The following ARAP1 variants were observed in gnomAD, a reference collection of about 807,000 sequenced individuals.
ARAP1 encodes ArfGAP with RhoGAP domain, ankyrin repeat and PH domain 1.
ARAP1 carries 76 observed loss-of-function variants against 172.2 expected under a neutral mutation model. The ratio of observed to expected loss-of-function variants is 0.44; its 90% CI spans 0.37 to 0.53. The LOEUF is 0.53. Ranked by LOEUF, ARAP1 falls within the 20% of genes least tolerant of loss-of-function variation. The pLI, the probability that ARAP1 is intolerant of heterozygous loss-of-function variation, is 0.00. For synonymous variants in ARAP1, 804 were observed against 803.3 expected (o/e 1.00, Z -0.01); for missense variants, 1,686 against 1,977.5 (o/e 0.85, Z 2.80).
At chr11:72,685,925 G>T in intron 34 of ARAP1, 117 bp downstream of exon 34, 1 of 1,573,104 alleles carries the variant, frequency 6.4e-7, no homozygotes. Context: ...AGGCTGGAGG[G>T]AGGGGGCCGG....
chr11:72,686,681 G>A (rs944854393), intron 33 of ARAP1, among the ~76,000 whole-genome samples: 1 of 152,130 alleles, frequency 6.6e-6, no homozygotes, highest in African/African-American at 2.4e-5. Flanking sequence ...CTCTGGCCCT[G>A]CTCTGGCTCA....
At chr11:72,722,321 C>T in intron 3 of ARAP1, 1 of 985,388 alleles carries the variant, frequency 1.0e-6, no homozygotes, top group South Asian at 4.7e-5. Context: ...CCGTGGCCAA[C>T]ACACACACTT....
At chr11:72,727,469 C>T (rs1217122876) in intron 2 of ARAP1, among the ~76,000 whole-genome samples, 1 of 152,238 alleles carries the variant, frequency 6.6e-6, no homozygotes, top group Non-Finnish European at 1.5e-5. Context: ...CACCCCAACA[C>T]ACAGCCTTGG....
At chr11:72,686,945 C>A (rs1226261766) in intron 33 of ARAP1, among the ~76,000 whole-genome samples, 1 of 152,246 alleles carries the variant, frequency 6.6e-6, no homozygotes, top group Non-Finnish European at 1.5e-5. Flanking sequence ...CTTCTCACTC[C>A]CTTTCCTGTG....
chr11:72,722,015 G>A (rs533623394), intron 3 of ARAP1: 11 of 985,826 alleles, frequency 1.1e-5, no homozygotes, highest in African/African-American at 5.2e-5. Context: ...CTGAGGCTGC[G>A]TTCTCTTGGA....
intron 5 of ARAP1, 100 bp downstream of exon 5, chr11:72,713,076 A>G: frequency 7.8e-7 from 1 of 1,273,958 alleles, no homozygotes; most frequent in Non-Finnish European, 1.1e-6. Context: ...CTCCCGGGAA[A>G]TGGCTGCCCA....
intron 16 of ARAP1, among the ~76,000 whole-genome samples, chr11:72,700,937 G>A (rs1705736429): frequency 1.3e-5 from 2 of 152,348 alleles, no homozygotes; most frequent in East Asian, 1.9e-4. Flanking sequence ...GGCAGAGGTT[G>A]CGGTGAGCCA....
At chr11:72,746,720 T>C (rs1858379319) in intron 1 of ARAP1, among the ~76,000 whole-genome samples, 1 of 138,648 alleles carries the variant, frequency 7.2e-6, no homozygotes. Flanking sequence ...TGTCCTGACC[T>C]GTTCACAACT....
Position 72,712,157 on chromosome 11 carries a change from C to T in ARAP1, c.1022+39G>A, listed in dbSNP as rs748511608. On this transcript the variant is annotated intron_variant, in intron 7 of 34. Transcript: ENST00000393609. ...GTCCTGGACACTGCCCCCCACCCCC[C>T]CATGCAGAGCACAGCAGGACCCAAG... is the stretch of plus-strand genomic sequence containing the variant. 5 of 1,530,218 alleles carry T rather than the reference C, an allele frequency of 3.3e-6. No homozygotes were observed. In the South Asian group the frequency reaches 6.2e-5, roughly 19 times the overall value. 94.8% of individuals were successfully genotyped at this position (1,530,218 alleles called of 1,614,324 possible). A position where few individuals can be genotyped will look rare whatever the true frequency, so the allele number is the denominator to read the frequency against.
intron 33 of ARAP1, among the ~76,000 whole-genome samples, chr11:72,686,661 C>T (rs1855700205): frequency 6.6e-6 from 1 of 152,194 alleles, no homozygotes; most frequent in African/African-American, 2.4e-5. Flanking sequence ...TGTTTTAAGT[C>T]TAACCCAGCC....
intron 14 of ARAP1, 154 bp from the exon 15 acceptor site, chr11:72,703,233 G>A (rs969215121): frequency 2.5e-6 from 2 of 811,398 alleles, no homozygotes; most frequent in Non-Finnish European, 3.7e-6. Context: ...GGAAGAAAGA[G>A]AGAAGGAGAG....
chr11:72,711,324 T>C, intron 8 of ARAP1, 106 bp downstream of exon 8: 4 of 1,494,752 alleles, frequency 2.7e-6, no homozygotes, highest in Non-Finnish European at 2.8e-6. Flanking sequence ...GGGTCAGACT[T>C]AGAACTCTGG....
At chr11:72,697,866 G>C in intron 19 of ARAP1, 45 bp downstream of exon 19, 1 of 1,520,120 alleles carries the variant, frequency 6.6e-7, no homozygotes, top group South Asian at 1.3e-5. Flanking sequence ...GGGAGCCCAG[G>C]ATAGGGTGCC....
chr11:72,730,526 G>A (rs548351287), intron 2 of ARAP1, among the ~76,000 whole-genome samples: 14 of 152,234 alleles, frequency 9.2e-5, no homozygotes, highest in Middle Eastern at 3.4e-3. Flanking sequence ...GTAAAATCCC[G>A]TCTCTACTAA....
chr11:72,701,880 G>A (rs1425341948), intron 15 of ARAP1, 97 bp from the exon 16 acceptor site: 12 of 1,478,922 alleles, frequency 8.1e-6, no homozygotes, highest in South Asian at 3.8e-5. Context: ...GCTCACTTTC[G>A]AATCATCAGC....
At chr11:72,727,274 G>A (rs1309517314) in intron 2 of ARAP1, 102 bp from the exon 3 acceptor site, 2 of 1,051,620 alleles carry the variant, frequency 1.9e-6, no homozygotes, top group African/African-American at 3.2e-5. Flanking sequence ...TTCAAGTTCT[G>A]TCCTGGAGCT....
chr11:72,710,320 C>T lies in ARAP1; in HGVS notation c.1416+65G>A. On this transcript the variant is annotated intron_variant, in intron 10 of 34. Transcript: ENST00000393609. The surrounding 1 kb of genome is among the most constrained non-coding windows in gnomAD (Gnocchi z 4.3). ...GAACAGAAAAGGCAGGGCTAAGGCC[C>T]TAGGTCAGCCTGGGGCAGGGTAGGT... The T allele has an allele frequency of 6.3e-7, 1 of 1,589,564 alleles. No individual in the cohort carries two copies. Among genetic ancestry groups the T allele is most frequent in the Admixed American group, 1.7e-5 (1 of 59,516 alleles).
rs904345721 is a variant in ARAP1 at position 72,741,466 on chromosome 11, G to A, written c.-127-8869C>T. Among the ~76,000 whole-genome samples, 2 of 152,038 alleles carry A rather than the reference G, an allele frequency of 1.3e-5. No individual in the cohort carries two copies. Among genetic ancestry groups the A allele is most frequent in the Non-Finnish European group, 2.9e-5 (2 of 67,998 alleles). The stretch of plus-strand genomic sequence containing the variant: ...CCCACCACCAGCAAGACAGGGCTCT[G>A]GCCTGGCTCCCTGGCCCTCAGGCAC... On this transcript the variant is annotated intron_variant, in intron 1 of 34. Transcript: ENST00000393609. This position sits in a 1 kb window ranked among gnomAD's most constrained non-coding sequence, Gnocchi z 4.5.
intron 11 of ARAP1, among the ~76,000 whole-genome samples, chr11:72,707,576 C>A (rs1444990318): frequency 6.6e-6 from 1 of 152,144 alleles, no homozygotes; most frequent in Non-Finnish European, 1.5e-5. Flanking sequence ...GGCAGGGGAG[C>A]CCAGTGGGGG....
Sources: gnomAD v4.1 joint callset for allele counts (sites outside exome capture counted in the v4.1 genomes callset) on GRCh38, gnomAD v4.1.1 for gene constraint, Gnocchi (gnomAD v3.1) non-coding constraint, MANE v1.5 for transcripts, NCBI Gene and HGNC (gene_info 2026-07-23, HGNC 2026-07-21) for gene names.